Variants in KCNMB4 observed in about 807,000 individuals in gnomAD.
KCNMB4 encodes the protein potassium calcium-activated channel subfamily M regulatory beta subunit 4.
A neutral mutation model predicts 20.7 loss-of-function variants in KCNMB4; 3 were observed. The observed-to-expected ratio is 0.14, with a 90% CI of 0.07 to 0.37. KCNMB4 has a LOEUF of 0.37. KCNMB4 is among the 10% of genes least tolerant of loss of function. KCNMB4 has a pLI of 1.00. For synonymous variants in KCNMB4, 110 were observed against 113.4 expected, an observed-to-expected ratio of 0.97 and a Z score of 0.19; for missense variants, 168 against 265.9, an observed-to-expected ratio of 0.63 and a Z score of 2.56.
At chr12:70,410,696 A>G (rs910254111) in intron 2 of KCNMB4, among the ~76,000 whole-genome samples, 1 of 152,204 alleles carries the variant, frequency 6.6e-6, no homozygotes, top group Non-Finnish European at 1.5e-5. Context: ...GTAGATTTCT[A>G]ACAACTAAGT....
At chr12:70,393,072 T>C (rs1308503811) in intron 1 of KCNMB4, among the ~76,000 whole-genome samples, 1 of 152,186 alleles carries the variant, frequency 6.6e-6, no homozygotes, top group East Asian at 1.9e-4. Flanking sequence ...ATAGGCCCTG[T>C]CATGTTTGTT....
intron 1 of KCNMB4, among the ~76,000 whole-genome samples, chr12:70,389,157 T>C (rs146943286): frequency 2.0e-5 from 3 of 152,298 alleles, no homozygotes; most frequent in African/African-American, 7.2e-5. Context: ...TTTGGATAAA[T>C]TAATATTGAG....
chr12:70,395,932 G>A (rs1037191212), intron 1 of KCNMB4, among the ~76,000 whole-genome samples: 1 of 152,156 alleles, frequency 6.6e-6, no homozygotes, highest in Non-Finnish European at 1.5e-5. Flanking sequence ...AAGGCATTAT[G>A]TCTATAAATT....
intron 2 of KCNMB4, among the ~76,000 whole-genome samples, chr12:70,411,678 A>G (rs1593342495): frequency 6.6e-6 from 1 of 152,254 alleles, no homozygotes; most frequent in Admixed American, 6.5e-5. Context: ...GAACAGTGGC[A>G]TATACCTGTA....
chr12:70,387,635 C>T (rs1868268512), intron 1 of KCNMB4, among the ~76,000 whole-genome samples: 1 of 151,836 alleles, frequency 6.6e-6, no homozygotes, highest in Admixed American at 6.6e-5. Context: ...CTCCTGACCT[C>T]AAGTCAGCCA....
chr12:70,370,981 C>T (rs1372391327), intron 1 of KCNMB4, among the ~76,000 whole-genome samples: 1 of 152,150 alleles, frequency 6.6e-6, no homozygotes, highest in Non-Finnish European at 1.5e-5. Context: ...ATCAGCCACC[C>T]AAGTAGCTGG....
intron 2 of KCNMB4, among the ~76,000 whole-genome samples, chr12:70,403,388 A>G (rs2136131217): frequency 6.6e-6 from 1 of 152,228 alleles, no homozygotes; most frequent in African/African-American, 2.4e-5. Flanking sequence ...GCTGGAGTGC[A>G]GTGGCACGAT....
chr12:70,407,992 T>C (rs1407556493), intron 2 of KCNMB4, among the ~76,000 whole-genome samples: 1 of 152,194 alleles, frequency 6.6e-6, no homozygotes, highest in Non-Finnish European at 1.5e-5. Flanking sequence ...AAATTTCTTA[T>C]TATGTCACCT....
At chr12:70,386,690 A>C (rs1322066890) in intron 1 of KCNMB4, among the ~76,000 whole-genome samples, 2 of 151,850 alleles carry the variant, frequency 1.3e-5, no homozygotes, top group Non-Finnish European at 2.9e-5. Context: ...TTGAAAATAC[A>C]TGCCAGCTTT....
rs922509960 is a variant in KCNMB4, at chr12:70,421,633, G to C, written c.465-8852G>C. On this transcript the variant is annotated intron_variant, in intron 2 of 2. Coordinates refer to ENST00000258111, the MANE Select transcript of KCNMB4 (RefSeq NM_014505.6). ...GTCTCGCTCTGTCGCCCAGGCTGGA[G>C]TGCAGTGGCGCAATCTTGGCTCACT... Among the ~76,000 whole-genome samples, 3 of 151,602 alleles carry C rather than the reference G, an allele frequency of 2.0e-5. No individual in the cohort carries two copies. In the East Asian group the frequency reaches 5.9e-4, roughly 30 times the overall value.
chr12:70,392,099 A>G (rs1260707945), intron 1 of KCNMB4, among the ~76,000 whole-genome samples: 2 of 152,204 alleles, frequency 1.3e-5, no homozygotes, highest in African/African-American at 2.4e-5. Flanking sequence ...ATATATATCC[A>G]TACATACACA....
intron 1 of KCNMB4, among the ~76,000 whole-genome samples, chr12:70,386,593 T>C (rs538633555): frequency 7.7e-5 from 10 of 130,132 alleles, no homozygotes; most frequent in Non-Finnish European, 1.3e-4. Context: ...TTTGTTTGTT[T>C]GTTGTTTTTT....
chr12:70,422,713 A>G, intron 2 of KCNMB4: 5 of 1,289,222 alleles, frequency 3.9e-6, no homozygotes, highest in Non-Finnish European at 5.1e-6. Context: ...GCAGGTCTTG[A>G]TGATTACCCC....
intron 2 of KCNMB4, among the ~76,000 whole-genome samples, chr12:70,407,163 T>C (rs1857292656): frequency 6.6e-6 from 1 of 152,232 alleles, no homozygotes; most frequent in South Asian, 2.1e-4. Context: ...CTCCTTGCAT[T>C]CAATAATTTG....
At chr12:70,391,803 C>G (rs1448307996) in intron 1 of KCNMB4, among the ~76,000 whole-genome samples, 1 of 152,180 alleles carries the variant, frequency 6.6e-6, no homozygotes, top group African/African-American at 2.4e-5. Context: ...CTTTTCTGAT[C>G]TAACCTTGAA....
intron 2 of KCNMB4, among the ~76,000 whole-genome samples, chr12:70,415,844 T>C (rs1868900380): frequency 6.6e-6 from 1 of 152,180 alleles, no homozygotes; most frequent in Admixed American, 6.5e-5. Context: ...TTCTGGGTAA[T>C]GGGAATATAA....
intron 1 of KCNMB4, among the ~76,000 whole-genome samples, chr12:70,397,324 G>T (rs953593879): frequency 6.6e-6 from 1 of 152,026 alleles, no homozygotes; most frequent in East Asian, 1.9e-4. Flanking sequence ...CTCCAGCCTG[G>T]GTCACAGAGC....
chr12:70,423,829 G>C (rs185352548), intron 2 of KCNMB4, among the ~76,000 whole-genome samples: 123 of 152,246 alleles, frequency 8.1e-4, no homozygotes, highest in Non-Finnish European at 1.4e-3. Flanking sequence ...ACCCCAGTGG[G>C]CAAAAATTGG....
At chr12:70,422,893 A>G in intron 2 of KCNMB4, 1 of 1,119,754 alleles carries the variant, frequency 8.9e-7, no homozygotes, top group Non-Finnish European at 1.1e-6. Flanking sequence ...GGGAGCACAG[A>G]GTGGCGACGG....
Sources: gnomAD v4.1 joint callset for allele counts (sites outside exome capture counted in the v4.1 genomes callset) on GRCh38, gnomAD v4.1.1 for gene constraint, MANE v1.5 for transcripts, NCBI Gene and HGNC (gene_info 2026-07-23, HGNC 2026-07-21) for gene names.